The following NRG1 variants were observed in gnomAD, a reference collection of about 807,000 sequenced individuals.
NRG1 encodes the protein neuregulin 1, also known as pro-neuregulin-1, membrane-bound isoform.
Under a neutral mutation model 63.8 loss-of-function variants are expected in NRG1, and 18 were observed. The observed-to-expected ratio is 0.28, with a 90% CI of 0.19 to 0.42. The LOEUF is 0.42. NRG1 is among the 10% of genes least tolerant of loss of function. The probability of loss-of-function intolerance (pLI) is 1.00; values close to 1 mark genes in which losing one functional copy is unlikely to be tolerated. For missense variants in NRG1, 762 were observed against 814.7 expected, an observed-to-expected ratio of 0.94 and a Z score of 0.79; for synonymous variants, 302 against 301.3, an observed-to-expected ratio of 1.00 and a Z score of -0.02.
intron 1 of NRG1, among the ~76,000 whole-genome samples, chr8:32,203,387 T>C (rs906785482): frequency 1.4e-5 from 2 of 142,606 alleles, no homozygotes; most frequent in South Asian, 4.2e-4. Flanking sequence ...ATTCACTTAT[T>C]TTTTTTTTCT....
chr8:32,186,468 A>G, intron 1 of NRG1, among the ~76,000 whole-genome samples: 1 of 151,712 alleles, frequency 6.6e-6, no homozygotes, highest in Non-Finnish European at 1.5e-5. Flanking sequence ...CTCAAAAAAA[A>G]AAAAAAAAGA....
chr8:32,129,197 T>C (rs1834484434), intron 1 of NRG1, among the ~76,000 whole-genome samples: 1 of 152,014 alleles, frequency 6.6e-6, no homozygotes, highest in Non-Finnish European at 1.5e-5. Flanking sequence ...ATTTGTTGAA[T>C]GACCAATTAG....
At chr8:31,730,645 A>G (rs961691254) in intron 1 of NRG1, among the ~76,000 whole-genome samples, 26 of 152,178 alleles carry the variant, frequency 1.7e-4, no homozygotes, top group African/African-American at 6.0e-4. Context: ...ATTAAAAAAC[A>G]AAGTATTAGA....
chr8:31,861,891 T>C (rs1023814311), intron 1 of NRG1, among the ~76,000 whole-genome samples: 1 of 152,136 alleles, frequency 6.6e-6, no homozygotes, highest in African/African-American at 2.4e-5. Context: ...ATTCAGACAG[T>C]TCACCCTGAA....
At chr8:32,258,563 G>A (rs1850003945) in intron 1 of NRG1, among the ~76,000 whole-genome samples, 1 of 152,178 alleles carries the variant, frequency 6.6e-6, no homozygotes, top group Admixed American at 6.5e-5. Context: ...GAGGCCTCAG[G>A]AAACGTACAG....
rs1491207966 is a variant in NRG1 at position 32,366,654 on chromosome 8, T to TA, written c.38-229174_38-229173insA. 9.3e-4 allele frequency among the ~76,000 whole-genome samples: 102 copies of TA among 109,150 alleles called. 2 individuals are homozygous for TA. The South Asian group carries it at 0.013, about 14-fold the overall frequency. 71.6% of individuals were successfully genotyped at this position (109,150 alleles called of 152,430 possible). The stretch of plus-strand genomic sequence containing the variant: ...ATATACACATATATGTAATATATAT[T>TA]GTGTGTGTGTGTGTGTGTGTGTGTA... On this transcript the variant is annotated intron_variant, in intron 1 of 10. Transcript: ENST00000519301.
chr8:31,853,542 T>C (rs1238151035), intron 1 of NRG1, among the ~76,000 whole-genome samples: 1 of 150,950 alleles, frequency 6.6e-6, no homozygotes. Flanking sequence ...AGATATACAA[T>C]CATGTCATCT....
At chr8:32,448,600 T>C (rs1587712802) in intron 1 of NRG1, among the ~76,000 whole-genome samples, 1 of 152,088 alleles carries the variant, frequency 6.6e-6, no homozygotes, top group East Asian at 1.9e-4. Flanking sequence ...GCTCCTAAGG[T>C]AACCGCAAGA....
Position 32,283,583 on chromosome 8 carries a change from A to T in NRG1, c.38-312245A>T, listed in dbSNP as rs199761811. ...CAAAGGTAGTACAAAACATCAGAAG[A>T]TGAAGAGGGTTTTGAAAGAAAGAAG... On this transcript the variant is annotated intron_variant, in intron 1 of 10. Transcript: ENST00000519301. Among the ~76,000 whole-genome samples, 10 of 152,300 alleles carry T rather than the reference A, an allele frequency of 6.6e-5. No individual in the cohort carries two copies. The East Asian group carries it at 1.9e-3, about 29-fold the overall frequency.
intron 1 of NRG1, among the ~76,000 whole-genome samples, chr8:32,357,989 C>G (rs1455054924): frequency 6.6e-6 from 1 of 152,146 alleles, no homozygotes; most frequent in African/African-American, 2.4e-5. Context: ...AATCTCCCAG[C>G]CTCTTCTGCA....
chr8:32,220,998 G>A (rs571326401), intron 1 of NRG1: 1 of 152,270 alleles, frequency 6.6e-6, no homozygotes, highest in African/African-American at 2.4e-5. Context: ...AAAAAAATGA[G>A]ATTTATCCGT....
chr8:31,907,717 G>A (rs577734135), intron 1 of NRG1, among the ~76,000 whole-genome samples: 27 of 152,156 alleles, frequency 1.8e-4, no homozygotes, highest in East Asian at 7.7e-4. Flanking sequence ...ATAAACTTAC[G>A]TCTTCTTAGG....
intron 1 of NRG1, among the ~76,000 whole-genome samples, chr8:32,185,894 C>T (rs1401627464): frequency 3.9e-5 from 6 of 152,148 alleles, no homozygotes; most frequent in Non-Finnish European, 8.8e-5. Context: ...TGTATGCCAT[C>T]CTGGATTTCT....
chr8:31,696,839 C>T (rs1810117384), intron 1 of NRG1, among the ~76,000 whole-genome samples: 1 of 152,152 alleles, frequency 6.6e-6, no homozygotes, highest in Non-Finnish European at 1.5e-5. Context: ...TCTACACTGC[C>T]TCTCAGAGTG....
intron 1 of NRG1, among the ~76,000 whole-genome samples, chr8:31,698,293 G>C (rs1420119001): frequency 1.3e-5 from 2 of 152,172 alleles, no homozygotes; most frequent in African/African-American, 2.4e-5. Context: ...AGCTCGAGCT[G>C]ACACACACAG....
chr8:32,335,309 A>G (rs576660783), intron 1 of NRG1, among the ~76,000 whole-genome samples: 1 of 152,336 alleles, frequency 6.6e-6, no homozygotes, highest in South Asian at 2.1e-4. Context: ...TTCATTTATA[A>G]TTCAGTGTGG....
At position 31,718,321 on chromosome 8, in the gene NRG1, A is replaced by G. The variant is rs555887600; in HGVS notation, c.37+78890A>G. 3.9e-5 allele frequency among the ~76,000 whole-genome samples: 6 copies of G among 152,184 alleles called. No homozygotes were observed. The South Asian group carries it at 1.2e-3, about 32-fold the overall frequency. On this transcript the variant is annotated intron_variant, in intron 1 of 10. Transcript: ENST00000519301. ...TGCTTCGAAAAATGGGTGCAACTAG[A>G]CTCAGTAGCTAGATGTGGTATGTGG...
intron 1 of NRG1, among the ~76,000 whole-genome samples, chr8:31,893,170 C>T (rs1444341209): frequency 6.7e-6 from 1 of 149,680 alleles, no homozygotes; most frequent in East Asian, 1.9e-4. Context: ...GTATAATAGA[C>T]TATATTATAT....
chr8:31,717,688 C>A (rs931566804), intron 1 of NRG1, among the ~76,000 whole-genome samples: 2 of 152,042 alleles, frequency 1.3e-5, no homozygotes, highest in African/African-American at 4.8e-5. Flanking sequence ...GATTTACAAT[C>A]TTTTAAACTT....
Sources: gnomAD v4.1 joint callset for allele counts (sites outside exome capture counted in the v4.1 genomes callset) on GRCh38, gnomAD v4.1.1 for gene constraint, MANE v1.5 for transcripts, NCBI Gene and HGNC (gene_info 2026-07-23, HGNC 2026-07-21) for gene names.